TBC1D15: variants seen among roughly 807,000 people sequenced by gnomAD.
TBC1D15 encodes the protein GAP for RAB7.
A neutral mutation model predicts 95.4 loss-of-function variants in TBC1D15; 39 were observed. That is an observed-to-expected ratio of 0.41 (90% CI 0.32 to 0.53). The LOEUF is 0.53. Ranked by LOEUF, TBC1D15 falls within the 20% of genes least tolerant of loss-of-function variation. The pLI, the probability that TBC1D15 is intolerant of heterozygous loss-of-function variation, is 0.29. For missense variants in TBC1D15, 733 were observed against 794.3 expected (o/e 0.92, Z 0.93); for synonymous variants, 258 against 261.3 (o/e 0.99, Z 0.12).
At chr12:71,840,886 C>T (rs1430812608) in intron 1 of TBC1D15, among the ~76,000 whole-genome samples, 1 of 152,128 alleles carries the variant, frequency 6.6e-6, no homozygotes, top group Non-Finnish European at 1.5e-5. Flanking sequence ...GCAATTGTGA[C>T]TTTTGTCTTT....
At chr12:71,873,949 C>G (rs1441827894) in intron 3 of TBC1D15, among the ~76,000 whole-genome samples, 2 of 152,172 alleles carry the variant, frequency 1.3e-5, no homozygotes, top group East Asian at 3.8e-4. Context: ...TTTCTAGTAG[C>G]CTCAGACATT....
At chr12:71,878,780 G>A (rs566774404) in intron 3 of TBC1D15, among the ~76,000 whole-genome samples, 2 of 151,308 alleles carry the variant, frequency 1.3e-5, no homozygotes, top group South Asian at 4.2e-4. Context: ...GCCTCCCAAA[G>A]TGCTGGGATT....
At chr12:71,905,536 G>A (rs1172777878) in intron 10 of TBC1D15, among the ~76,000 whole-genome samples, 1 of 152,026 alleles carries the variant, frequency 6.6e-6, no homozygotes, top group Non-Finnish European at 1.5e-5. Flanking sequence ...ATGTTGCCCA[G>A]GCTGGTCTTG....
intron 13 of TBC1D15, 136 bp downstream of exon 13, chr12:71,917,933 G>C (rs2139073663): frequency 1.8e-6 from 1 of 556,564 alleles, no homozygotes; most frequent in Non-Finnish European, 3.2e-6. Context: ...CAAGGAGGGA[G>C]GATTACTTGC....
At chr12:71,902,423 C>T (rs895225006) in intron 10 of TBC1D15, among the ~76,000 whole-genome samples, 3 of 152,252 alleles carry the variant, frequency 2.0e-5, no homozygotes, top group African/African-American at 7.2e-5. Context: ...AAAATAAAGC[C>T]ACACATCTAC....
chr12:71,887,751 C>G (rs569794161), intron 5 of TBC1D15, among the ~76,000 whole-genome samples: 12 of 152,302 alleles, frequency 7.9e-5, no homozygotes, highest in African/African-American at 2.9e-4. Context: ...CATCTAACAG[C>G]ATACAATAAT....
chr12:71,839,834 A>G, intron 1 of TBC1D15, 23 bp downstream of exon 1: 5 of 1,613,580 alleles, frequency 3.1e-6, no homozygotes, highest in Non-Finnish European at 4.2e-6. Flanking sequence ...CTCCAGGAAG[A>G]CCTCGGCTTT....
At chr12:71,904,672 A>C (rs1900245676) in intron 10 of TBC1D15, among the ~76,000 whole-genome samples, 1 of 152,208 alleles carries the variant, frequency 6.6e-6, no homozygotes, top group African/African-American at 2.4e-5. Flanking sequence ...TTATAGTGTT[A>C]GGAGAGCAGG....
At chr12:71,903,097 G>C (rs530668490) in intron 10 of TBC1D15, among the ~76,000 whole-genome samples, 3 of 152,122 alleles carry the variant, frequency 2.0e-5, no homozygotes, top group Admixed American at 2.0e-4. Context: ...TTTTTTTTTA[G>C]AAGAGACAGG....
chr12:71,906,691 C>T (rs148465058), intron 10 of TBC1D15, among the ~76,000 whole-genome samples: 195 of 150,984 alleles, frequency 1.3e-3, no homozygotes, highest in African/African-American at 4.3e-3. Context: ...TAATGACTGG[C>T]ATTTTTGTTG....
Position 71,924,253 on chromosome 12 carries a change from T to G in TBC1D15, c.*1049T>G, listed in dbSNP as rs1870407935. The stretch of plus-strand genomic sequence containing the variant: ...GTTATGTGGAATTAACATAACTGAT[T>G]TTGTTTTAATTGTAAGTTGTTAACT... On this transcript the variant is annotated 3_prime_UTR_variant, in exon 17 of 17. Coordinates refer to ENST00000485960, the MANE Select transcript of TBC1D15 (RefSeq NM_001146213.3). The G allele has an allele frequency of 6.6e-6, 1 of 152,668 alleles. No homozygotes were observed. Among genetic ancestry groups the G allele is most frequent in the African/African-American group, 2.4e-5 (1 of 41,456 alleles). The allele number at this position is 152,668 out of a possible 1,614,324, so 9.5% of individuals were successfully genotyped here. A position where few individuals can be genotyped will look rare whatever the true frequency, so the allele number is the denominator to read the frequency against.
intron 10 of TBC1D15, among the ~76,000 whole-genome samples, chr12:71,903,198 G>A (rs1411598102): frequency 6.6e-6 from 1 of 152,164 alleles, no homozygotes; most frequent in African/African-American, 2.4e-5. Context: ...ACAGGTGTGA[G>A]TTACCATGCC....
intron 9 of TBC1D15, among the ~76,000 whole-genome samples, chr12:71,897,624 AACAAAGTTTATCACATAAACTT>A (rs1898464308): frequency 6.6e-6 from 1 of 152,060 alleles, no homozygotes; most frequent in Non-Finnish European, 1.5e-5. Context: ...CTAGTAGTTG[AACAAAGTTTATCACATAAACTT>A]TGTGATATTT....
chr12:71,877,401 G>A (rs1894123271), intron 3 of TBC1D15, among the ~76,000 whole-genome samples: 1 of 150,284 alleles, frequency 6.7e-6, no homozygotes. Flanking sequence ...ATTTATTTTA[G>A]TGATGATTTC....
chr12:71,878,641 A>G (rs963268316), intron 3 of TBC1D15, among the ~76,000 whole-genome samples: 1 of 151,084 alleles, frequency 6.6e-6, no homozygotes, highest in Non-Finnish European at 1.5e-5. Context: ...CCAGCCTCCC[A>G]AGTAGCTGGG....
Position 71,923,729 on chromosome 12 carries a change from A to G in TBC1D15, c.*525A>G, listed in dbSNP as rs570713614. The G allele has an allele frequency of 1.6e-4, 25 of 153,270 alleles. No homozygotes were observed. Among genetic ancestry groups the G allele is most frequent in the African/African-American group, 5.3e-4 (22 of 41,576 alleles). The allele number at this position is 153,270 out of a possible 1,614,324, so 9.5% of individuals were successfully genotyped here. On this transcript the variant is annotated 3_prime_UTR_variant, in exon 17 of 17. Coordinates refer to ENST00000485960, the MANE Select transcript of TBC1D15 (RefSeq NM_001146213.3). ...TGATTTAAATTGGACATTTTCATCA[A>G]TGCAGTCTAATGTGTAGATAAATAT... is the stretch of plus-strand genomic sequence containing the variant.
At chr12:71,911,171 G>C (rs1490825107) in intron 11 of TBC1D15, among the ~76,000 whole-genome samples, 1 of 152,098 alleles carries the variant, frequency 6.6e-6, no homozygotes, top group East Asian at 1.9e-4. Context: ...TTACACTGTT[G>C]GTGGGACTGT....
chr12:71,840,409 C>A (rs1047166213), intron 1 of TBC1D15, among the ~76,000 whole-genome samples: 2 of 152,118 alleles, frequency 1.3e-5, no homozygotes, highest in African/African-American at 4.8e-5. Context: ...CTGTGCTTGT[C>A]TAGGAAGGCG....
chr12:71,872,719 C>T (rs541236708), intron 2 of TBC1D15, among the ~76,000 whole-genome samples: 6 of 152,052 alleles, frequency 3.9e-5, no homozygotes, highest in East Asian at 3.9e-4. Context: ...CTAAAACTTA[C>T]GTAGAAGTTG....
Sources: allele counts gnomAD v4.1 joint callset (sites outside exome capture counted in the v4.1 genomes callset), GRCh38; gene constraint gnomAD v4.1.1; transcripts MANE v1.5; gene names NCBI Gene and HGNC (gene_info 2026-07-23, HGNC 2026-07-21).